Variants in TMEM132B observed in about 807,000 individuals in gnomAD.
TMEM132B encodes transmembrane protein 132B.
A neutral mutation model predicts 90.8 loss-of-function variants in TMEM132B; 18 were observed. The observed-to-expected ratio is 0.20, with a 90% CI of 0.14 to 0.29. The LOEUF (loss-of-function observed/expected upper bound fraction) is 0.29, where lower values mean the gene tolerates loss of function less well. Ranked by LOEUF, TMEM132B falls within the 10% of genes least tolerant of loss-of-function variation. TMEM132B has a pLI of 1.00. For missense variants in TMEM132B, 1,096 were observed against 1,326.8 expected (o/e 0.83, Z 2.70); for synonymous variants, 504 against 523.3 (o/e 0.96, Z 0.50).
intron 5 of TMEM132B, chr12:125,585,271 A>G (rs919552536): frequency 1.3e-5 from 2 of 152,096 alleles, no homozygotes; most frequent in African/African-American, 4.8e-5. Flanking sequence ...AAACCTGCAC[A>G]CATAGCCCTG....
chr12:125,340,254 GAC>G (rs1877135328), intron 1 of TMEM132B, among the ~76,000 whole-genome samples: 1 of 152,150 alleles, frequency 6.6e-6, no homozygotes, highest in Non-Finnish European at 1.5e-5. Context: ...TGCGCACCCT[GAC>G]ACAAAGCATT....
At chr12:125,375,748 C>A (rs1878458970) in intron 2 of TMEM132B, among the ~76,000 whole-genome samples, 1 of 152,162 alleles carries the variant, frequency 6.6e-6, no homozygotes, top group Non-Finnish European at 1.5e-5. Flanking sequence ...CGTGGTAAAC[C>A]CACGTTAGTG....
At chr12:125,431,827 G>A (rs551865178) in intron 3 of TMEM132B, among the ~76,000 whole-genome samples, 242 of 152,290 alleles carry the variant, frequency 1.6e-3, no homozygotes, top group African/African-American at 5.8e-3. Context: ...AATGCAGAAG[G>A]CTCGTGGTGG....
In TMEM132B at chr12:125,251,362, G is replaced by A. The variant is rs1021602573; in HGVS notation, c.67+64496G>A. ...AGAACTGGATGGAAATGTATTTTGCGTCTTGAGATTTTTCTTCAAGGATGG... is the reference window on the plus strand; with the variant it reads ...AGAACTGGATGGAAATGTATTTTGCATCTTGAGATTTTTCTTCAAGGATGG... On this transcript the variant is annotated intron_variant, in intron 1 of 8. Transcript: ENST00000682704. The surrounding 1 kb of genome is among the most constrained non-coding windows in gnomAD (Gnocchi z 4.4). 7.2e-5 allele frequency among the ~76,000 whole-genome samples: 11 copies of A among 152,098 alleles called. No homozygotes were observed. Among genetic ancestry groups the A allele is most frequent in the African/African-American group, 1.2e-4 (5 of 41,414 alleles).
In TMEM132B at chr12:125,407,558, G is replaced by C. The variant is rs572113035; in HGVS notation, c.960-7973G>C. Among the ~76,000 whole-genome samples, 1 of 152,340 alleles carries C rather than the reference G, an allele frequency of 6.6e-6. No individual in the cohort carries two copies. Among genetic ancestry groups the C allele is most frequent in the East Asian group, 1.9e-4 (1 of 5,178 alleles). ...TGGGTAGAGGCTGGCCTGGAGTCCA[G>C]TTGTCTTTCTTTTGACTTATCTACA... On this transcript the variant is annotated intron_variant, in intron 2 of 8. Coordinates refer to ENST00000682704, the MANE Select transcript of TMEM132B (RefSeq NM_001366854.1). The surrounding 1 kb of genome is among the most constrained non-coding windows in gnomAD (Gnocchi z 6.7).
At chr12:125,302,951 G>A (rs961883892) in intron 1 of TMEM132B, among the ~76,000 whole-genome samples, 2 of 152,038 alleles carry the variant, frequency 1.3e-5, no homozygotes, top group African/African-American at 4.8e-5. Flanking sequence ...ACAAAAATTA[G>A]CCAGGCATGA....
intron 1 of TMEM132B, chr12:125,300,818 A>G (rs560450379): frequency 2.0e-5 from 3 of 152,084 alleles, no homozygotes; most frequent in East Asian, 3.9e-4. Flanking sequence ...GAGTCCACAC[A>G]CTTAGGTGCT....
chr12:125,332,583 CTTTTTTTTTTTTTT>C (rs201828438), intron 1 of TMEM132B, among the ~76,000 whole-genome samples: 52 of 52,416 alleles, frequency 9.9e-4, no homozygotes, highest in East Asian at 3.3e-3. Flanking sequence ...AGAGAGTTGG[CTTTTTTTTTTTTTT>C]TTTTTTTTTT....
intron 1 of TMEM132B, among the ~76,000 whole-genome samples, chr12:125,189,169 C>T (rs2136045588): frequency 6.6e-6 from 1 of 152,318 alleles, no homozygotes; most frequent in South Asian, 2.1e-4. Context: ...TTCTTTCAGC[C>T]TTGCAAGTGC....
chr12:125,190,094 G>A (rs1957787892), intron 1 of TMEM132B, among the ~76,000 whole-genome samples: 1 of 152,174 alleles, frequency 6.6e-6, no homozygotes, highest in Admixed American at 6.5e-5. Context: ...TCCTTCAGCA[G>A]CCCCCGGCAG....
intron 4 of TMEM132B, among the ~76,000 whole-genome samples, chr12:125,555,933 T>A (rs1251767562): frequency 6.6e-6 from 1 of 152,184 alleles, no homozygotes; most frequent in Non-Finnish European, 1.5e-5. Context: ...GTCATGCAAC[T>A]TTGAAAATCA....
intron 3 of TMEM132B, among the ~76,000 whole-genome samples, chr12:125,494,163 G>GGAA (rs1882446295): frequency 7.7e-6 from 1 of 129,932 alleles, no homozygotes; most frequent in Non-Finnish European, 1.6e-5. Flanking sequence ...CTTCCTCCCT[G>GGAA]GAAATGACCG....
chr12:125,542,884 A>T (rs1434429935), intron 4 of TMEM132B, among the ~76,000 whole-genome samples: 1 of 152,210 alleles, frequency 6.6e-6, no homozygotes, highest in Non-Finnish European at 1.5e-5. Flanking sequence ...GTATCTTATT[A>T]TACAGGGTGC....
intron 4 of TMEM132B, among the ~76,000 whole-genome samples, chr12:125,578,783 T>C (rs1884988965): frequency 6.6e-6 from 1 of 152,250 alleles, no homozygotes; most frequent in Non-Finnish European, 1.5e-5. Context: ...CCTTTTTGCC[T>C]CCAGTTTCTG....
intron 2 of TMEM132B, among the ~76,000 whole-genome samples, chr12:125,353,551 A>G (rs1465363723): frequency 6.6e-6 from 1 of 152,260 alleles, no homozygotes; most frequent in Non-Finnish European, 1.5e-5. Flanking sequence ...TGGTAAGTCC[A>G]TTACATGAAT....
chr12:125,318,920 G>GA (rs1310244387), intron 1 of TMEM132B, among the ~76,000 whole-genome samples: 2 of 152,156 alleles, frequency 1.3e-5, no homozygotes, highest in African/African-American at 2.4e-5. Context: ...TATAGCTAAG[G>GA]AAAAAATTAG....
intron 3 of TMEM132B, among the ~76,000 whole-genome samples, chr12:125,515,425 ACT>A (rs1050325822): frequency 1.8e-4 from 23 of 125,782 alleles, no homozygotes; most frequent in Middle Eastern, 3.9e-3. Context: ...TTGCTCACAC[ACT>A]CTCACACATA....
intron 4 of TMEM132B, among the ~76,000 whole-genome samples, chr12:125,548,936 T>C (rs1338092711): frequency 6.6e-6 from 1 of 152,156 alleles, no homozygotes; most frequent in East Asian, 1.9e-4. Flanking sequence ...CCTGAGCCAG[T>C]TTCCTGTGTT....
At chr12:125,323,425 G>T (rs11058139) in intron 1 of TMEM132B, among the ~76,000 whole-genome samples, 72,147 of 151,570 alleles carry the variant, frequency 0.48, 17,765 homozygotes, top group East Asian at 0.62. Context: ...AACAAAGCGA[G>T]ACTCTGCCTC....
Sources: allele counts gnomAD v4.1 joint callset (sites outside exome capture counted in the v4.1 genomes callset), GRCh38; gene constraint gnomAD v4.1.1; non-coding constraint Gnocchi (gnomAD v3.1); transcripts MANE v1.5; gene names NCBI Gene and HGNC (gene_info 2026-07-23, HGNC 2026-07-21).